Variants in STMN2 observed in about 807,000 individuals in gnomAD.
The protein encoded by STMN2 is stathmin-2.
STMN2 carries 2 observed loss-of-function variants against 24.1 expected under a neutral mutation model. That is an observed-to-expected ratio of 0.08 (90% CI 0.03 to 0.26). The LOEUF (loss-of-function observed/expected upper bound fraction) is 0.26, where lower values mean the gene tolerates loss of function less well. STMN2 is among the 10% of genes least tolerant of loss of function. STMN2 has a pLI of 1.00. For missense variants in STMN2, 114 were observed against 213.6 expected, an observed-to-expected ratio of 0.53 and a Z score of 2.91; for synonymous variants, 83 against 77.5, an observed-to-expected ratio of 1.07 and a Z score of -0.37.
chr8:79,663,776 A>G, intron 4 of STMN2: 1 of 817,014 alleles, frequency 1.2e-6, no homozygotes. Context: ...GTTTGATTTT[A>G]GTCATCTGAT....
intron 1 of STMN2, among the ~76,000 whole-genome samples, chr8:79,618,493 T>A (rs1809435290): frequency 6.6e-6 from 1 of 152,212 alleles, no homozygotes; most frequent in Admixed American, 6.5e-5. Flanking sequence ...TTGAATAAAA[T>A]AAATTTACAC....
At chr8:79,650,315 A>G (rs1810307409) in intron 3 of STMN2, among the ~76,000 whole-genome samples, 1 of 152,178 alleles carries the variant, frequency 6.6e-6, no homozygotes, top group Non-Finnish European at 1.5e-5. Flanking sequence ...CGCAATCACA[A>G]TTCCTTTCTG....
intron 1 of STMN2, among the ~76,000 whole-genome samples, chr8:79,628,605 G>A (rs545537430): frequency 5.3e-4 from 81 of 152,204 alleles, no homozygotes; most frequent in Non-Finnish European, 5.3e-4. Context: ...ATTTCAACAC[G>A]TGTGAGATAA....
At chr8:79,616,668 T>C (rs2130295512) in intron 1 of STMN2, among the ~76,000 whole-genome samples, 1 of 152,308 alleles carries the variant, frequency 6.6e-6, no homozygotes, top group Non-Finnish European at 1.5e-5. Flanking sequence ...TAAGCTCTGG[T>C]ATTATGTCTT....
chr8:79,624,453 C>CAAAAAAAAAAA (rs1011493193), intron 1 of STMN2, among the ~76,000 whole-genome samples: 18 of 45,110 alleles, frequency 4.0e-4, no homozygotes, highest in East Asian at 7.0e-4. Context: ...GACTCCGTCT[C>CAAAAAAAAAAA]AAAAAAAAAA....
chr8:79,664,817 G>A lies in STMN2; in HGVS notation c.483G>A (p.Glu161=), dbSNP rs757354648. ...CTTCTTCCTTTTGTGTTTTTTAGGAGAGGCATGCTGCGGAGGTGCGCAGGA... is the reference window on the plus strand; with the variant it reads ...CTTCTTCCTTTTGTGTTTTTTAGGAAAGGCATGCTGCGGAGGTGCGCAGGA... ...AAIIERLQEK[E]RHAAEVRRNK... is the part of the protein sequence containing the mutation. Residue 161 remains glutamate, a splice_region_variant and synonymous_variant, in exon 5 of 5, where the codon GAG becomes GAA. Transcript: ENST00000220876. 2 of 1,612,378 alleles carry A rather than the reference G, an allele frequency of 1.2e-6. No individual in the cohort carries two copies. The highest frequency in any genetic ancestry group is 1.7e-5 in the Admixed American group (1 of 59,890).
chr8:79,642,560 A>G (rs1485894694), intron 3 of STMN2, among the ~76,000 whole-genome samples: 1 of 152,200 alleles, frequency 6.6e-6, no homozygotes, highest in East Asian at 1.9e-4. Context: ...AAAACTTTGG[A>G]CACTTCTATG....
At chr8:79,630,598 C>T (rs1406626617) in intron 1 of STMN2, among the ~76,000 whole-genome samples, 1 of 152,186 alleles carries the variant, frequency 6.6e-6, no homozygotes, top group Non-Finnish European at 1.5e-5. Context: ...AAAATACTTT[C>T]TACTCTTCAG....
At chr8:79,646,528 C>T (rs1013318961) in intron 3 of STMN2, among the ~76,000 whole-genome samples, 2 of 152,030 alleles carry the variant, frequency 1.3e-5, no homozygotes, top group Admixed American at 1.3e-4. Context: ...GGCAGCTCTT[C>T]TCTGGGACCT....
At chr8:79,628,354 G>A (rs925420276) in intron 1 of STMN2, among the ~76,000 whole-genome samples, 3 of 151,840 alleles carry the variant, frequency 2.0e-5, no homozygotes. Flanking sequence ...AGTAGAGACG[G>A]GGTTTCACCA....
intron 3 of STMN2, among the ~76,000 whole-genome samples, chr8:79,652,453 G>A (rs1202183116): frequency 6.6e-6 from 1 of 152,158 alleles, no homozygotes; most frequent in Admixed American, 6.5e-5. Flanking sequence ...ATGAGGTGGA[G>A]ATGAGGGAGT....
intron 1 of STMN2, chr8:79,613,629 T>G (rs1336555982): frequency 2.0e-6 from 2 of 985,356 alleles, no homozygotes; most frequent in African/African-American, 3.5e-5. Flanking sequence ...TGTTATTATT[T>G]AATGATTCAG....
intron 1 of STMN2, chr8:79,611,659 C>A: frequency 1.9e-6 from 1 of 515,812 alleles, no homozygotes; most frequent in Non-Finnish European, 2.5e-6. Context: ...AAGAAAATTG[C>A]AAAGTCAAAG....
chr8:79,664,994 A>G lies in STMN2; in HGVS notation c.*120A>G. On this transcript the variant is annotated 3_prime_UTR_variant, in exon 5 of 5. Transcript: ENST00000220876. ...GGTTTAAAAAGAACTCATTATAAAAAAAAAAAAACAAAAAAAATCAAAAAT... is the reference window on the plus strand; with the variant it reads ...GGTTTAAAAAGAACTCATTATAAAAGAAAAAAAACAAAAAAAATCAAAAAT... 1.2e-6 allele frequency: 1 copy of G among 850,838 alleles called. No individual in the cohort carries two copies. The highest frequency in any genetic ancestry group is 1.8e-5 in the African/African-American group (1 of 56,066). 52.7% of individuals were successfully genotyped at this position (850,838 alleles called of 1,614,324 possible). A position where few individuals can be genotyped will look rare whatever the true frequency, so the allele number is the denominator to read the frequency against.
intron 1 of STMN2, chr8:79,611,819 T>A: frequency 3.5e-5 from 20 of 576,332 alleles, no homozygotes; most frequent in Non-Finnish European, 4.1e-5. Context: ...AGGGTGGGGG[T>A]AGGACCTCCG....
chr8:79,634,097 C>G (rs1367582239), intron 1 of STMN2, among the ~76,000 whole-genome samples: 1 of 152,140 alleles, frequency 6.6e-6, no homozygotes, highest in Non-Finnish European at 1.5e-5. Flanking sequence ...TCATGTGTTT[C>G]TAATATGTGC....
intron 4 of STMN2, among the ~76,000 whole-genome samples, chr8:79,664,095 T>C (rs1175774487): frequency 6.6e-6 from 1 of 152,144 alleles, no homozygotes; most frequent in African/African-American, 2.4e-5. Context: ...GACTGCCGAA[T>C]AAAAGGAAAG....
At chr8:79,663,510 G>A (rs13263753) in intron 4 of STMN2, 383,102 of 977,868 alleles carry the variant, frequency 0.39, 83,581 homozygotes, top group Non-Finnish European at 0.45. Context: ...TCAGTATTAT[G>A]ATATAAAGAA....
chr8:79,664,749 G>A (rs1352021625), intron 4 of STMN2, 66 bp from the exon 5 acceptor site: 28 of 1,523,742 alleles, frequency 1.8e-5, no homozygotes, highest in Middle Eastern at 3.4e-4. Context: ...CTAGTCAAGC[G>A]CATGGTACGC....
Sources: allele counts gnomAD v4.1 joint callset (sites outside exome capture counted in the v4.1 genomes callset), GRCh38; gene constraint gnomAD v4.1.1; transcripts MANE v1.5; gene names NCBI Gene and HGNC (gene_info 2026-07-23, HGNC 2026-07-21).